XKR4: variants seen among roughly 807,000 people sequenced by gnomAD.
XKR4 encodes the protein XK-related protein 4.
In XKR4, 12 loss-of-function variants were observed where a neutral mutation model predicts 53.9. The observed-to-expected ratio is 0.22, with a 90% CI of 0.14 to 0.36. XKR4 has a LOEUF of 0.36. Ranked by LOEUF, XKR4 falls within the 10% of genes least tolerant of loss-of-function variation. The pLI, the probability that XKR4 is intolerant of heterozygous loss-of-function variation, is 1.00. For missense variants in XKR4, 799 were observed against 859.5 expected (o/e 0.93, Z 0.88); for synonymous variants, 354 against 362.4 (o/e 0.98, Z 0.26).
rs556634845 is a variant in XKR4 at position 55,109,595 on chromosome 8, T to C, written c.806+6301T>C. Reference sequence around the variant, plus strand: ...TGTATGAATTGGAATAATTTATGTATAAATCTCTGTGGTGGGTATATCTCT... The same window carrying C: ...TGTATGAATTGGAATAATTTATGTACAAATCTCTGTGGTGGGTATATCTCT... On this transcript the variant is annotated intron_variant, in intron 1 of 2. Transcript: ENST00000327381. Among the ~76,000 whole-genome samples, 312 of 152,280 alleles carry C rather than the reference T, an allele frequency of 2.0e-3. 1 individual carries two copies. The highest frequency in any genetic ancestry group is 7.2e-3 in the African/African-American group (301 of 41,554).
At chr8:55,124,509 C>T (rs1816435286) in intron 1 of XKR4, among the ~76,000 whole-genome samples, 1 of 152,180 alleles carries the variant, frequency 6.6e-6, no homozygotes, top group Admixed American at 6.5e-5. Context: ...TATCTCCTCG[C>T]ATTCAGTTGG....
At chr8:55,266,272 C>G (rs1320011113) in intron 1 of XKR4, among the ~76,000 whole-genome samples, 27 of 151,786 alleles carry the variant, frequency 1.8e-4, no homozygotes, top group Admixed American at 1.8e-3. Flanking sequence ...GTGGGGCTTT[C>G]TAGGGGTATG....
At chr8:55,109,071 C>A (rs536638711) in intron 1 of XKR4, among the ~76,000 whole-genome samples, 152 of 152,148 alleles carry the variant, frequency 1.0e-3, no homozygotes, top group Admixed American at 3.9e-3. Flanking sequence ...CCCCCTGGGA[C>A]AAAATGGGTG....
At chr8:55,253,731 C>CTTTTTTTTTTTTT (rs67608017) in intron 1 of XKR4, among the ~76,000 whole-genome samples, 59 of 113,598 alleles carry the variant, frequency 5.2e-4, no homozygotes, top group Non-Finnish European at 6.1e-4. Flanking sequence ...ATTTTCTTTT[C>CTTTTTTTTTTTTT]TTTTTTTTTT....
At chr8:55,322,569 A>C (rs936467708) in intron 1 of XKR4, among the ~76,000 whole-genome samples, 1 of 152,220 alleles carries the variant, frequency 6.6e-6, no homozygotes, top group African/African-American at 2.4e-5. Flanking sequence ...TTTCCAAAGA[A>C]TTTTAACAAT....
intron 2 of XKR4, among the ~76,000 whole-genome samples, chr8:55,432,445 T>C (rs1805116903): frequency 6.6e-6 from 1 of 152,204 alleles, no homozygotes; most frequent in Non-Finnish European, 1.5e-5. Flanking sequence ...TGTGCTGCAG[T>C]AAACAGCCTC....
At chr8:55,438,588 TTGA>T (rs1805213450) in intron 2 of XKR4, among the ~76,000 whole-genome samples, 1 of 114,252 alleles carries the variant, frequency 8.8e-6, no homozygotes, top group Non-Finnish European at 1.7e-5. Flanking sequence ...AGACTCCATC[TTGA>T]AAAAAAAAAA....
intron 2 of XKR4, chr8:55,449,846 T>C: frequency 9.4e-7 from 1 of 1,062,708 alleles, no homozygotes; most frequent in Non-Finnish European, 1.5e-6. Flanking sequence ...GTTCTCACTC[T>C]CAGCTGTCTG....
chr8:55,218,332 AAAGG>A (rs1158295877), intron 1 of XKR4, among the ~76,000 whole-genome samples: 1 of 152,220 alleles, frequency 6.6e-6, no homozygotes, highest in Non-Finnish European at 1.5e-5. Flanking sequence ...TTCCCTAGAA[AAAGG>A]AAGCATTTCA....
chr8:55,459,504 A>G (rs936502010), intron 2 of XKR4, among the ~76,000 whole-genome samples: 13 of 152,150 alleles, frequency 8.5e-5, no homozygotes, highest in Non-Finnish European at 2.9e-5. Flanking sequence ...ATAGACTGAA[A>G]TAAGATATTT....
At chr8:55,172,497 C>G (rs1345141798) in intron 1 of XKR4, among the ~76,000 whole-genome samples, 1 of 152,112 alleles carries the variant, frequency 6.6e-6, no homozygotes, top group Non-Finnish European at 1.5e-5. Context: ...TATACACACC[C>G]ATATGCATAT....
chr8:55,369,380 G>GGGAGT (rs1804037333), intron 2 of XKR4, among the ~76,000 whole-genome samples: 1 of 80,526 alleles, frequency 1.2e-5, no homozygotes, highest in Non-Finnish European at 2.5e-5. Flanking sequence ...GGGAGGGGAG[G>GGGAGT]GGAGGGGAGG....
At chr8:55,336,429 GA>G (rs1803462930) in intron 1 of XKR4, among the ~76,000 whole-genome samples, 1 of 152,126 alleles carries the variant, frequency 6.6e-6, no homozygotes, top group Admixed American at 6.6e-5. Flanking sequence ...TCAGCAACAT[GA>G]AAACAGACTA....
chr8:55,293,620 G>C (rs1819062127), intron 1 of XKR4, among the ~76,000 whole-genome samples: 1 of 152,048 alleles, frequency 6.6e-6, no homozygotes, highest in African/African-American at 2.4e-5. Flanking sequence ...AAATCATGAT[G>C]TAATTTTAGT....
intron 1 of XKR4, among the ~76,000 whole-genome samples, chr8:55,267,306 A>G (rs1455239372): frequency 1.3e-5 from 2 of 152,244 alleles, no homozygotes; most frequent in Non-Finnish European, 2.9e-5. Context: ...CAGTCTAGTA[A>G]GTAACATTTA....
chr8:55,402,998 G>C (rs1198078259), intron 2 of XKR4, among the ~76,000 whole-genome samples: 1 of 152,086 alleles, frequency 6.6e-6, no homozygotes, highest in African/African-American at 2.4e-5. Context: ...AGCAGGCTGG[G>C]GTTTGGTTCC....
chr8:55,361,422 G>A (rs1211294219), intron 2 of XKR4, among the ~76,000 whole-genome samples: 1 of 152,144 alleles, frequency 6.6e-6, no homozygotes, highest in Non-Finnish European at 1.5e-5. Context: ...CCTGTTTAGT[G>A]AGGGTGCCAA....
chr8:55,259,389 G>C (rs548611931), intron 1 of XKR4, among the ~76,000 whole-genome samples: 1 of 152,204 alleles, frequency 6.6e-6, no homozygotes, highest in Non-Finnish European at 1.5e-5. Flanking sequence ...GCAGCTACTA[G>C]TGCGATATGA....
chr8:55,463,389 G>A (rs982558483), intron 2 of XKR4, among the ~76,000 whole-genome samples: 4 of 151,406 alleles, frequency 2.6e-5, no homozygotes, highest in East Asian at 3.9e-4. Context: ...GGTACATAAC[G>A]AAATGAAGGC....
Sources: allele counts gnomAD v4.1 joint callset (sites outside exome capture counted in the v4.1 genomes callset), GRCh38; gene constraint gnomAD v4.1.1; transcripts MANE v1.5; gene names NCBI Gene and HGNC (gene_info 2026-07-23, HGNC 2026-07-21).